The following INPP5E variants were observed in gnomAD, a reference collection of about 807,000 sequenced individuals.
INPP5E encodes the protein inositol polyphosphate-5-phosphatase E.
Under a neutral mutation model 50.5 loss-of-function variants are expected in INPP5E, and 34 were observed. The observed-to-expected ratio is 0.67, with a 90% CI of 0.51 to 0.90. The LOEUF is 0.90. INPP5E is among the 40% of genes least tolerant of loss of function. INPP5E has a pLI of 0.00. For missense variants in INPP5E, 942 were observed against 905.5 expected (o/e 1.04, Z -0.52); for synonymous variants, 447 against 406.0 (o/e 1.10, Z -1.21).
chr9:136,436,669 C>A (rs916877393), intron 1 of INPP5E: 2 of 152,308 alleles, frequency 1.3e-5, no homozygotes, highest in African/African-American at 2.4e-5. Flanking sequence ...CGTGCACACG[C>A]GGCCCGCAAA....
chr9:136,430,521 C>G, intron 8 of INPP5E, 108 bp from the exon 9 acceptor site: 2 of 1,322,442 alleles, frequency 1.5e-6, no homozygotes, highest in Non-Finnish European at 2.1e-6. Flanking sequence ...AGGAAGCCTT[C>G]TGGGACCCCT....
At chr9:136,432,426 G>A (rs968393872) in intron 6 of INPP5E, 53 bp downstream of exon 6, 31 of 1,248,904 alleles carry the variant, frequency 2.5e-5, no homozygotes, top group African/African-American at 1.0e-4. Context: ...AACGACGGGC[G>A]CCCGTGTGCG....
At position 136,429,889 on chromosome 9, in the gene INPP5E, G is replaced by C; in HGVS notation, c.1803-82C>G. ...AGGAGGGGGCCGGCCCCGGAGGAGG[G>C]GGCATTTAAGAGGACACCCAGGGCC... On this transcript the variant is annotated intron_variant, in intron 9 of 9. Coordinates refer to ENST00000371712, the MANE Select transcript of INPP5E (RefSeq NM_019892.6). 3 of 1,034,384 alleles carry C rather than the reference G, an allele frequency of 2.9e-6. No individual in the cohort carries two copies. The South Asian group carries it at 3.8e-5, about 13-fold the overall frequency. 64.1% of individuals were successfully genotyped at this position (1,034,384 alleles called of 1,614,324 possible). A position where few individuals can be genotyped will look rare whatever the true frequency, so the allele number is the denominator to read the frequency against.
rs1289423794 is a variant in INPP5E at position 136,429,096 on chromosome 9, G to A, written c.*579C>T. ...GGCAGGCGACTTGCAGCCAAGTGGAGGGGAACCGTGCCACGTCCTGGAGGC... is the reference window on the plus strand; with the variant it reads ...GGCAGGCGACTTGCAGCCAAGTGGAAGGGAACCGTGCCACGTCCTGGAGGC... On this transcript the variant is annotated 3_prime_UTR_variant, in exon 10 of 10. Coordinates refer to ENST00000371712, the MANE Select transcript of INPP5E (RefSeq NM_019892.6). The A allele has an allele frequency of 5.6e-6, 1 of 177,926 alleles. No homozygotes were observed. The highest frequency in any genetic ancestry group is 2.4e-5 in the African/African-American group (1 of 42,400). The allele number at this position is 177,926 out of a possible 1,614,324, so 11.0% of individuals were successfully genotyped here. A position where few individuals can be genotyped will look rare whatever the true frequency, so the allele number is the denominator to read the frequency against.
At chr9:136,432,077 G>A (rs1835721060) in intron 6 of INPP5E, 92 bp from the exon 7 acceptor site, 7 of 1,526,646 alleles carry the variant, frequency 4.6e-6, no homozygotes, top group Non-Finnish European at 6.3e-6. Flanking sequence ...GCTCTCAGGG[G>A]AAGTGGGTCT....
In INPP5E at chr9:136,438,562, T is replaced by C. The variant is rs1171554780; in HGVS notation, c.812+46A>G. 3.4e-6 allele frequency: 5 copies of C among 1,491,698 alleles called. No homozygotes were observed. In the African/African-American group the frequency reaches 5.7e-5, roughly 17 times the overall value. 92.4% of individuals were successfully genotyped at this position (1,491,698 alleles called of 1,614,324 possible). ...CACGAGGTTCCAGCAGCCTGAACAC[T>C]ACAACGAAGGCGGCGCGGGCGCTGC... On this transcript the variant is annotated intron_variant, in intron 1 of 9. Transcript: ENST00000371712.
rs886038652 is a variant in INPP5E at position 136,432,492 on chromosome 9, A to G, written c.1374T>C (p.Tyr458=). 26 of 1,549,550 alleles carry G rather than the reference A, an allele frequency of 1.7e-5. No homozygotes were observed. The Middle Eastern group carries it at 5.0e-4, about 30-fold the overall frequency. The change falls in exon 6 of 10, where the codon TAT becomes TAC. Residue 458 remains tyrosine, a synonymous_variant. Coordinates refer to ENST00000371712, the MANE Select transcript of INPP5E (RefSeq NM_019892.6). The part of the protein sequence containing the change: ...LPRNVPDTNP[Y]RSSAADVTTR... Reference sequence around the variant, plus strand: ...GGACGCCCTCACCTGCGCTGGAGCGATAGGGGTTGGTGTCGGGCACATTTC... The same window carrying G: ...GGACGCCCTCACCTGCGCTGGAGCGGTAGGGGTTGGTGTCGGGCACATTTC...
intron 1 of INPP5E, chr9:136,435,739 G>A (rs1228717624): frequency 2.6e-5 from 4 of 152,186 alleles, no homozygotes; most frequent in Non-Finnish European, 2.9e-5. Flanking sequence ...AGTGTCTGTC[G>A]CCGTGGGCTC....
intron 6 of INPP5E, 112 bp from the exon 7 acceptor site, chr9:136,432,097 G>T: frequency 1.5e-6 from 2 of 1,305,316 alleles, no homozygotes; most frequent in Non-Finnish European, 2.2e-6. Context: ...TTGGGCGCCA[G>T]CCGGTGGGGC....
At position 136,432,501 on chromosome 9, in the gene INPP5E, G is replaced by T; in HGVS notation, c.1365C>A (p.Thr455=). Residue 455 remains threonine (T), a synonymous_variant, in exon 6 of 10, where the codon ACC becomes ACA. Transcript: ENST00000371712. ...CACCTGCGCTGGAGCGATAGGGGTT[G>T]GTGTCGGGCACATTTCTGGGCAGGA... ...ALVLPRNVPD[T]NPYRSSAADV... 6.4e-7 allele frequency: 1 copy of T among 1,550,748 alleles called. No individual in the cohort carries two copies.
At chr9:136,435,439 C>G (rs112460200) in intron 1 of INPP5E, 2 of 153,714 alleles carry the variant, frequency 1.3e-5, no homozygotes, top group African/African-American at 4.8e-5. Flanking sequence ...CTCTACCTCC[C>G]GGGCTCAAGT....
chr9:136,434,371 C>T lies in INPP5E; in HGVS notation c.937-237G>A, dbSNP rs145354979. ...GCACGAGTCTGTCCAACGACCACCC[C>T]TGTATGACCCTCCCGTCACCATGAC... On this transcript the variant is annotated intron_variant, in intron 2 of 9. Coordinates refer to ENST00000371712, the MANE Select transcript of INPP5E (RefSeq NM_019892.6). Among the ~76,000 whole-genome samples the T allele has an allele frequency of 6.2e-3, 942 of 152,342 alleles. 8 individuals carry two copies. Among genetic ancestry groups the T allele is most frequent in the African/African-American group, 0.021 (870 of 41,582 alleles).
chr9:136,439,110 C>G lies in INPP5E; in HGVS notation c.310G>C (p.Glu104Gln), dbSNP rs1405900741. 9 of 1,583,478 alleles carry G rather than the reference C, an allele frequency of 5.7e-6. No homozygotes were observed. The highest frequency in any genetic ancestry group is 6.9e-6 in the Non-Finnish European group (8 of 1,167,010). The change falls in exon 1 of 10, where the codon GAA becomes CAA. Residue 104 changes from glutamate (E) to glutamine (Q), a missense_variant. Transcript: ENST00000371712. ...GAGGGACTGGTCCCATTCCGGGCTT[C>G]CAGGTCCTCCTGGCTGCCTCGAAAA... ...RRFRGSQEDL[E>Q]ARNGTSPSRG...
chr9:136,432,217 C>T (rs1835724328), intron 6 of INPP5E, among the ~76,000 whole-genome samples: 1 of 152,202 alleles, frequency 6.6e-6, no homozygotes, highest in Non-Finnish European at 1.5e-5. Context: ...CTGCTCCTCT[C>T]CACACAGCCA....
In INPP5E at chr9:136,431,772, AGG is replaced by A; in HGVS notation, c.1549+50_1549+51del. On this transcript the variant is annotated intron_variant, in intron 7 of 9. Coordinates refer to ENST00000371712, the MANE Select transcript of INPP5E (RefSeq NM_019892.6). ...CATCTCCCTCCACGCCCGCCCCCCCAGGCCCTCACCTCTCCTCATCTCCCTCC... is the reference window on the plus strand; with the variant it reads ...CATCTCCCTCCACGCCCGCCCCCCCACCCTCACCTCTCCTCATCTCCCTCC... 1.6e-5 allele frequency: 4 copies of A among 255,810 alleles called. 1 individual carries two copies. The highest frequency in any genetic ancestry group is 2.8e-5 in the Non-Finnish European group (4 of 145,034). 15.8% of individuals were successfully genotyped at this position (255,810 alleles called of 1,614,324 possible).
rs1479443394 is a variant in INPP5E, at chr9:136,438,990, G to A, written c.430C>T (p.Arg144Cys). The stretch of plus-strand genomic sequence containing the variant: ...CCTCTCTCACTGCTCAGGACCCCGC[G>A]GGACTTGGGGATTTCCTGCAAGGAG... ...STSLQEIPKS[R>C]GVLSSERGSP... Residue 144 changes from arginine (R) to cysteine (C), a missense_variant, in exon 1 of 10, where the codon CGC becomes TGC. Physicochemically the swap from Arg to Cys is radical, Grantham distance 180. Coordinates refer to ENST00000371712, the MANE Select transcript of INPP5E (RefSeq NM_019892.6). 1 of 1,585,626 alleles carries A rather than the reference G, an allele frequency of 6.3e-7. No individual in the cohort carries two copies. The highest frequency in any genetic ancestry group is 1.8e-5 in the Admixed American group (1 of 55,334).
chr9:136,435,135 G>C (rs1276847647), intron 1 of INPP5E, among the ~76,000 whole-genome samples: 4 of 152,182 alleles, frequency 2.6e-5, no homozygotes, highest in Admixed American at 2.6e-4. Flanking sequence ...CTTTTTGGTG[G>C]TGGGATCCTG....
At chr9:136,431,171 C>T (rs981552146) in intron 7 of INPP5E, 54 bp from the exon 8 acceptor site, 1 of 1,181,462 alleles carries the variant, frequency 8.5e-7, no homozygotes, top group Non-Finnish European at 1.2e-6. Flanking sequence ...CCAGCCGCCG[C>T]ACCCCAGGCC....
chr9:136,429,668 G>C lies in INPP5E; in HGVS notation c.*7C>G, dbSNP rs1564430593. On this transcript the variant is annotated 3_prime_UTR_variant, in exon 10 of 10. Transcript: ENST00000371712. Reference sequence around the variant, plus strand: ...CGTTGCAGCTGTGAGTCCTCGTTCAGCAAACTTCAAGAAACGGAGCAGATG... The same window carrying C: ...CGTTGCAGCTGTGAGTCCTCGTTCACCAAACTTCAAGAAACGGAGCAGATG... 6.2e-7 allele frequency: 1 copy of C among 1,613,900 alleles called. No homozygotes were observed. Among genetic ancestry groups the C allele is most frequent in the East Asian group, 2.2e-5 (1 of 44,892 alleles).
Sources: allele counts gnomAD v4.1 joint callset (sites outside exome capture counted in the v4.1 genomes callset), GRCh38; gene constraint gnomAD v4.1.1; transcripts MANE v1.5; gene names NCBI Gene and HGNC (gene_info 2026-07-23, HGNC 2026-07-21).